Variants in CDC123 observed in about 807,000 individuals in gnomAD.
CDC123 encodes the protein cell division cycle 123.
CDC123 carries 37 observed loss-of-function variants against 54.4 expected under a neutral mutation model. That is an observed-to-expected ratio of 0.68 (90% CI 0.52 to 0.89). CDC123 has a LOEUF of 0.89. Among genes scored for constraint, CDC123 ranks in the 40% least tolerant of loss-of-function variants. The pLI, the probability that CDC123 is intolerant of heterozygous loss-of-function variation, is 0.00. For missense variants in CDC123, 361 were observed against 412.1 expected (o/e 0.88, Z 1.07); for synonymous variants, 144 against 136.8 (o/e 1.05, Z -0.37).
rs552293314 is a variant in CDC123, at chr10:12,222,558, G to C, written c.440+5091G>C. Among the ~76,000 whole-genome samples, 4 of 152,304 alleles carry C rather than the reference G, an allele frequency of 2.6e-5. No individual in the cohort carries two copies. The South Asian group carries it at 8.3e-4, about 32-fold the overall frequency. ...CATTCTATGTTATTAAACTTGCTGA[G>C]TCACAGGCTGCTTTCATTATTTTAT... On this transcript the variant is annotated intron_variant, in intron 6 of 12. Coordinates refer to ENST00000281141, the MANE Select transcript of CDC123 (RefSeq NM_006023.3).
rs138499506 is a variant in CDC123 at position 12,217,744 on chromosome 10, C to T, written c.440+277C>T. On this transcript the variant is annotated intron_variant, in intron 6 of 12. Coordinates refer to ENST00000281141, the MANE Select transcript of CDC123 (RefSeq NM_006023.3). ...TATTATAAAACTGATAAATATTTAT[C>T]ATAGAAAAGCAAAATTAGGGATTAC... 7.2e-5 allele frequency among the ~76,000 whole-genome samples: 11 copies of T among 152,074 alleles called. No individual in the cohort carries two copies. In the East Asian group the frequency reaches 1.7e-3, roughly 24 times the overall value.
chr10:12,235,029 T>C lies in CDC123; in HGVS notation c.490-19T>C. 2.5e-6 allele frequency: 4 copies of C among 1,604,098 alleles called. No homozygotes were observed. The highest frequency in any genetic ancestry group is 3.4e-6 in the Non-Finnish European group (4 of 1,171,366). ...CCACATAGGTGTGTTATATTAAATATTTTTTCTTTTGTTTACAGCTCGTTC... is the reference window on the plus strand; with the variant it reads ...CCACATAGGTGTGTTATATTAAATACTTTTTCTTTTGTTTACAGCTCGTTC... On this transcript the variant is annotated intron_variant, in intron 7 of 12. Coordinates refer to ENST00000281141, the MANE Select transcript of CDC123 (RefSeq NM_006023.3).
chr10:12,243,901 C>T lies in CDC123; in HGVS notation c.718-2248C>T, dbSNP rs1192823775. On this transcript the variant is annotated intron_variant, in intron 10 of 12. Transcript: ENST00000281141. The stretch of plus-strand genomic sequence containing the variant: ...GTATTCTCCAAAATAAAGTTGACAT[C>T]ATTACCAAGAAGTTGTTTGACGGCT... Among the ~76,000 whole-genome samples the T allele has an allele frequency of 2.0e-5, 3 of 152,126 alleles. No homozygotes were observed. In the East Asian group the frequency reaches 5.8e-4, roughly 29 times the overall value.
chr10:12,229,590 CT>C (rs1212981145), intron 6 of CDC123, among the ~76,000 whole-genome samples: 3 of 152,224 alleles, frequency 2.0e-5, no homozygotes, highest in Admixed American at 6.5e-5. Flanking sequence ...CTAATCAGTT[CT>C]TCCTTGGTGC....
In CDC123 at chr10:12,230,846, T is replaced by C. The variant is rs748950346; in HGVS notation, c.441-102T>C. On this transcript the variant is annotated intron_variant, in intron 6 of 12. Coordinates refer to ENST00000281141, the MANE Select transcript of CDC123 (RefSeq NM_006023.3). ...GAGTTAGTCTCCTGTTTCTGGATGC[T>C]TTTAGTAAAACGTTACTCTCATGTT... 14 of 1,095,436 alleles carry C rather than the reference T, an allele frequency of 1.3e-5. No individual in the cohort carries two copies. In the South Asian group the frequency reaches 1.9e-4, roughly 15 times the overall value. The allele number at this position is 1,095,436 out of a possible 1,614,324, so 67.9% of individuals were successfully genotyped here.
chr10:12,243,470 ATGAGT>A (rs976671743), intron 10 of CDC123, among the ~76,000 whole-genome samples: 1 of 151,918 alleles, frequency 6.6e-6, no homozygotes, highest in South Asian at 2.1e-4. Context: ...TTAAAAAAAA[ATGAGT>A]TAGTTTTACT....
intron 4 of CDC123, among the ~76,000 whole-genome samples, chr10:12,214,589 C>A (rs868304477): frequency 6.6e-6 from 1 of 152,196 alleles, no homozygotes; most frequent in Admixed American, 6.5e-5. Flanking sequence ...CTTAAGCTCT[C>A]GTTTTTATTC....
At chr10:12,210,902 T>C (rs964507726) in intron 4 of CDC123, among the ~76,000 whole-genome samples, 1 of 152,120 alleles carries the variant, frequency 6.6e-6, no homozygotes, top group Non-Finnish European at 1.5e-5. Flanking sequence ...GGTTTCACCA[T>C]GTTAGCCATG....
intron 6 of CDC123, among the ~76,000 whole-genome samples, chr10:12,221,518 G>A (rs1835736513): frequency 6.6e-6 from 1 of 152,080 alleles, no homozygotes; most frequent in South Asian, 2.1e-4. Flanking sequence ...AGCCCTCATT[G>A]GTCACAGTTA....
At chr10:12,209,798 C>T (rs1305246036) in intron 2 of CDC123, among the ~76,000 whole-genome samples, 169 bp from the exon 3 acceptor site, 4 of 151,956 alleles carry the variant, frequency 2.6e-5, no homozygotes, top group Non-Finnish European at 5.9e-5. Context: ...CTCCTGACCT[C>T]AAGCGATCCA....
At chr10:12,221,941 G>A (rs922950549) in intron 6 of CDC123, among the ~76,000 whole-genome samples, 4 of 152,136 alleles carry the variant, frequency 2.6e-5, no homozygotes, top group South Asian at 2.1e-4. Flanking sequence ...ACAAGCATGC[G>A]TCAGGGTTAT....
intron 6 of CDC123, among the ~76,000 whole-genome samples, chr10:12,226,991 C>T (rs933174493): frequency 4.6e-5 from 7 of 152,108 alleles, no homozygotes; most frequent in South Asian, 2.1e-4. Context: ...AGCGAGACTC[C>T]GTCTGCAATC....
chr10:12,237,102 G>C, intron 8 of CDC123, 42 bp from the exon 9 acceptor site: 1 of 1,481,226 alleles, frequency 6.8e-7, no homozygotes, highest in South Asian at 1.5e-5. Context: ...TTTTTGAAAA[G>C]AATATTGTAT....
chr10:12,212,101 A>C (rs938000818), intron 4 of CDC123, among the ~76,000 whole-genome samples: 4 of 152,188 alleles, frequency 2.6e-5, no homozygotes, highest in Admixed American at 2.0e-4. Flanking sequence ...AAATAAAATA[A>C]AATAAAATAA....
At chr10:12,229,387 G>T (rs1209006135) in intron 6 of CDC123, among the ~76,000 whole-genome samples, 2 of 152,214 alleles carry the variant, frequency 1.3e-5, no homozygotes, top group African/African-American at 4.8e-5. Context: ...ACTTCTCTTT[G>T]TCCAGAGTTT....
At chr10:12,215,517 T>C (rs1007222481) in intron 4 of CDC123, among the ~76,000 whole-genome samples, 3 of 152,226 alleles carry the variant, frequency 2.0e-5, no homozygotes, top group Admixed American at 6.5e-5. Flanking sequence ...CAGGCTTTGA[T>C]TGTCTGGAAA....
At chr10:12,243,470 A>G (rs1836087383) in intron 10 of CDC123, among the ~76,000 whole-genome samples, 1 of 151,918 alleles carries the variant, frequency 6.6e-6, no homozygotes, top group African/African-American at 2.4e-5. Context: ...TTAAAAAAAA[A>G]TGAGTTAGTT....
At chr10:12,238,712 C>A (rs1472357700) in intron 10 of CDC123, among the ~76,000 whole-genome samples, 6 of 151,602 alleles carry the variant, frequency 4.0e-5, no homozygotes. Flanking sequence ...CTCATCTCTA[C>A]TAAAAATTAA....
chr10:12,205,010 A>T (rs1248993148), intron 2 of CDC123, among the ~76,000 whole-genome samples: 7 of 151,774 alleles, frequency 4.6e-5, no homozygotes, highest in South Asian at 2.1e-4. Flanking sequence ...AAAAAAAAAA[A>T]AAAAGGTCTT....
Sources: allele counts gnomAD v4.1 joint callset (sites outside exome capture counted in the v4.1 genomes callset), GRCh38; gene constraint gnomAD v4.1.1; transcripts MANE v1.5; gene names NCBI Gene and HGNC (gene_info 2026-07-23, HGNC 2026-07-21).